The following MMP15 variants were observed in gnomAD, a reference collection of about 807,000 sequenced individuals.
The protein encoded by MMP15 is matrix metalloproteinase-15.
In MMP15, 36 loss-of-function variants were observed where a neutral mutation model predicts 65.0. That is an observed-to-expected ratio of 0.55 (90% CI 0.42 to 0.73). The LOEUF is 0.73. MMP15 is among the 30% of genes least tolerant of loss of function. The pLI, the probability that MMP15 is intolerant of heterozygous loss-of-function variation, is 0.00. For missense variants in MMP15, 870 were observed against 987.8 expected, an observed-to-expected ratio of 0.88 and a Z score of 1.60; for synonymous variants, 428 against 410.2, an observed-to-expected ratio of 1.04 and a Z score of -0.52.
At chr16:58,027,155 G>A (rs1247772894) in intron 1 of MMP15, among the ~76,000 whole-genome samples, 1 of 152,244 alleles carries the variant, frequency 6.6e-6, no homozygotes, top group Non-Finnish European at 1.5e-5. Context: ...TCCTAAGGAC[G>A]GACCCTGCCT....
rs1567430675 is a variant in MMP15 at position 58,039,732 on chromosome 16, A to C, written c.441-143A>C. The C allele has an allele frequency of 5.3e-6, 4 of 761,856 alleles. No homozygotes were observed. The African/African-American group carries it at 5.3e-5, about 10-fold the overall frequency. 47.2% of individuals were successfully genotyped at this position (761,856 alleles called of 1,614,324 possible). A position where few individuals can be genotyped will look rare whatever the true frequency, so the allele number is the denominator to read the frequency against. On this transcript the variant is annotated intron_variant, in intron 3 of 9. Coordinates refer to ENST00000219271, the MANE Select transcript of MMP15 (RefSeq NM_002428.4). ...TGATCTCCTGGATTTGACAAATTCA[A>C]ATTATGATTTACATCAAAGCAAACT... is the stretch of plus-strand genomic sequence containing the variant.
chr16:58,043,245 G>A lies in MMP15; in HGVS notation c.1339G>A (p.Glu447Lys). The A allele has an allele frequency of 8.1e-6, 13 of 1,601,366 alleles. No individual in the cohort carries two copies. Among genetic ancestry groups the A allele is most frequent in the Non-Finnish European group, 1.0e-5 (12 of 1,173,416 alleles). Reference protein sequence around the residue: ...RYWLFREANLEPGYPQPLTSY... With the variant: ...RYWLFREANLKPGYPQPLTSY... Reference sequence around the variant, plus strand: ...CTGGCTCTTTCGAGAAGCGAACCTGGAGCCCGGCTACCCACAGCCGCTGAC... The same window carrying A: ...CTGGCTCTTTCGAGAAGCGAACCTGAAGCCCGGCTACCCACAGCCGCTGAC... The change falls in exon 8 of 10, where the codon GAG (glutamate) becomes AAG (lysine). Residue 447 changes from glutamate (E) to lysine (K), a missense_variant. By Grantham distance (56) the Glu-to-Lys change is moderately conservative. Coordinates refer to ENST00000219271, the MANE Select transcript of MMP15 (RefSeq NM_002428.4).
rs573676510 is a variant in MMP15, at chr16:58,041,954, C to T, written c.1164+84C>T. On this transcript the variant is annotated intron_variant, in intron 6 of 9. Coordinates refer to ENST00000219271, the MANE Select transcript of MMP15 (RefSeq NM_002428.4). ...CTGTCCCACCCTCACTCAGCAGGCCCCGGGGAGCCATTAAGCCCTCAGCTC... is the reference window on the plus strand; with the variant it reads ...CTGTCCCACCCTCACTCAGCAGGCCTCGGGGAGCCATTAAGCCCTCAGCTC... 1.6e-5 allele frequency: 24 copies of T among 1,456,752 alleles called. No homozygotes were observed. The African/African-American group carries it at 2.8e-4, about 17-fold the overall frequency. 90.2% of individuals were successfully genotyped at this position (1,456,752 alleles called of 1,614,324 possible). A position where few individuals can be genotyped will look rare whatever the true frequency, so the allele number is the denominator to read the frequency against.
At chr16:58,030,188 T>C (rs928656681) in intron 1 of MMP15, among the ~76,000 whole-genome samples, 1 of 152,184 alleles carries the variant, frequency 6.6e-6, no homozygotes, top group Non-Finnish European at 1.5e-5. Flanking sequence ...AGAGAGGGGT[T>C]GTGGACTCTG....
rs372957851 is a variant in MMP15, at chr16:58,045,123, G to A, written c.1687G>A (p.Val563Met). ...LRDFMGCQEH[V>M]EPGPRWPDVA... ...GGACTTCATGGGCTGCCAGGAGCACGTGGAGCCAGGCCCCCGATGGCCCGA... is the reference window on the plus strand; with the variant it reads ...GGACTTCATGGGCTGCCAGGAGCACATGGAGCCAGGCCCCCGATGGCCCGA... Residue 563 changes from valine (V) to methionine (M), a missense_variant, in exon 10 of 10, where the codon GTG becomes ATG. Coordinates refer to ENST00000219271, the MANE Select transcript of MMP15 (RefSeq NM_002428.4). 146 of 1,606,782 alleles carry A rather than the reference G, an allele frequency of 9.1e-5. 2 individuals carry two copies. Among genetic ancestry groups the A allele is most frequent in the South Asian group, 7.7e-4 (69 of 90,156 alleles).
At chr16:58,032,227 G>C (rs1173444106) in intron 1 of MMP15, among the ~76,000 whole-genome samples, 1 of 152,214 alleles carries the variant, frequency 6.6e-6, no homozygotes, top group African/African-American at 2.4e-5. Context: ...AACGCTGCTT[G>C]GTGGGTCGGA....
At chr16:58,038,933 A>G (rs1168942909) in intron 3 of MMP15, among the ~76,000 whole-genome samples, 1 of 152,218 alleles carries the variant, frequency 6.6e-6, no homozygotes, top group Non-Finnish European at 1.5e-5. Context: ...TCAAGCCCCC[A>G]GAGTGAATTC....
Position 58,045,185 on chromosome 16 carries a change from A to T in MMP15, c.1749A>T (p.Ala583=). ...ARPPFNPHGG[A]EPGADSAEGD... ...CGCCCTTCAACCCCCACGGGGGTGC[A>T]GAGCCCGGGGCGGACAGCGCAGAGG... is the stretch of plus-strand genomic sequence containing the variant. Residue 583 remains alanine (A), a synonymous_variant, in exon 10 of 10, where the codon GCA becomes GCT. Coordinates refer to ENST00000219271, the MANE Select transcript of MMP15 (RefSeq NM_002428.4). 6.3e-7 allele frequency: 1 copy of T among 1,592,806 alleles called. No homozygotes were observed. The highest frequency in any genetic ancestry group is 8.5e-7 in the Non-Finnish European group (1 of 1,170,240).
At chr16:58,027,116 C>T (rs938067825) in intron 1 of MMP15, among the ~76,000 whole-genome samples, 3 of 152,224 alleles carry the variant, frequency 2.0e-5, no homozygotes, top group East Asian at 1.9e-4. Flanking sequence ...TGCGCTTTTG[C>T]GAGGAAGCCT....
In MMP15 at chr16:58,026,179, TCTC is replaced by T; in HGVS notation, c.-168_-166del. The T allele has an allele frequency of 1.5e-6, 1 of 654,530 alleles. No homozygotes were observed. Among genetic ancestry groups the T allele is most frequent in the Non-Finnish European group, 2.2e-6 (1 of 463,566 alleles). 40.5% of individuals were successfully genotyped at this position (654,530 alleles called of 1,614,324 possible). A position where few individuals can be genotyped will look rare whatever the true frequency, so the allele number is the denominator to read the frequency against. ...AGCTCCCGGACCTGCCCTGCCCGCTTCTCCTCGGGCTTGGGAATTTGCCGAGGC... is the reference window on the plus strand; with the variant it reads ...AGCTCCCGGACCTGCCCTGCCCGCTTCTCGGGCTTGGGAATTTGCCGAGGC... On this transcript the variant is annotated 5_prime_UTR_variant, in exon 1 of 10. Coordinates refer to ENST00000219271, the MANE Select transcript of MMP15 (RefSeq NM_002428.4).
chr16:58,040,743 C>T (rs749199012), intron 5 of MMP15, 45 bp downstream of exon 5: 2 of 1,612,738 alleles, frequency 1.2e-6, no homozygotes, highest in African/African-American at 1.3e-5. Context: ...GCTCTCAAGT[C>T]CCTGGCCAAT....
Position 58,041,681 on chromosome 16 carries a change from C to T in MMP15, c.975C>T (p.Gly325=), listed in dbSNP as rs1285296041. The stretch of plus-strand genomic sequence containing the variant: ...CCACTGTGACGCCACGGCGGCCAGG[C>T]CGGCCTGACCACCGGCCGCCCCGGC... The part of the protein sequence containing the change: ...PLPTVTPRRP[G]RPDHRPPRPP... Residue 325 remains glycine, a synonymous_variant, in exon 6 of 10, where the codon GGC becomes GGT. Coordinates refer to ENST00000219271, the MANE Select transcript of MMP15 (RefSeq NM_002428.4). 2 of 1,578,660 alleles carry T rather than the reference C, an allele frequency of 1.3e-6. No homozygotes were observed. Among genetic ancestry groups the T allele is most frequent in the African/African-American group, 1.4e-5 (1 of 74,008 alleles).
chr16:58,043,459 G>C (rs1294223885), intron 8 of MMP15, 53 bp from the exon 9 acceptor site: 1 of 1,604,110 alleles, frequency 6.2e-7, no homozygotes, highest in African/African-American at 1.3e-5. Flanking sequence ...TGGGGAACGG[G>C]TCCTGGCCCA....
At chr16:58,040,292 CT>C in intron 4 of MMP15, 110 bp downstream of exon 4, 1 of 1,189,436 alleles carries the variant, frequency 8.4e-7, no homozygotes, top group African/African-American at 1.5e-5. Flanking sequence ...GAGAGTTCCC[CT>C]GTGTTTGTCT....
intron 3 of MMP15, among the ~76,000 whole-genome samples, chr16:58,039,033 C>T (rs1959394056): frequency 6.6e-6 from 1 of 152,224 alleles, no homozygotes; most frequent in South Asian, 2.1e-4. Flanking sequence ...CAGGCCTCAC[C>T]ATACGTCATC....
At position 58,038,368 on chromosome 16, in the gene MMP15, G is replaced by A; in HGVS notation, c.414G>A (p.Lys138=). 1 of 1,614,074 alleles carries A rather than the reference G, an allele frequency of 6.2e-7. No individual in the cohort carries two copies. The highest frequency in any genetic ancestry group is 8.5e-7 in the Non-Finnish European group (1 of 1,180,008). Residue 138 remains lysine (K), a synonymous_variant, in exon 3 of 10, where the codon AAG becomes AAA. Transcript: ENST00000219271. ...RRKRYALTGR[K]WNNHHLTFSI... ...AGCGCTACGCCCTCACCGGGAGGAA[G>A]TGGAACAACCACCATCTGACCTTTA...
intron 2 of MMP15, 87 bp downstream of exon 2, chr16:58,037,707 GA>G: frequency 6.4e-7 from 1 of 1,568,108 alleles, no homozygotes; most frequent in South Asian, 1.2e-5. Context: ...GGAGTTTCCA[GA>G]AAAGAGTGGC....
chr16:58,031,719 C>T (rs1963890903), intron 1 of MMP15, among the ~76,000 whole-genome samples: 1 of 152,074 alleles, frequency 6.6e-6, no homozygotes, highest in African/African-American at 2.4e-5. Flanking sequence ...ACCTGCAACT[C>T]GCTTAAAGAC....
chr16:58,045,665 A>T lies in MMP15; in HGVS notation c.*219A>T. The T allele has an allele frequency of 1.8e-6, 1 of 555,296 alleles. No homozygotes were observed. The highest frequency in any genetic ancestry group is 3.1e-6 in the Non-Finnish European group (1 of 318,540). 34.4% of individuals were successfully genotyped at this position (555,296 alleles called of 1,614,324 possible). On this transcript the variant is annotated 3_prime_UTR_variant, in exon 10 of 10. Coordinates refer to ENST00000219271, the MANE Select transcript of MMP15 (RefSeq NM_002428.4). ...CCCCGACTGGGGCAGGGTGTTTAGA[A>T]TTTTCTAAATGTAGTTCTGCTCCAG...
Sources: gnomAD v4.1 joint callset for allele counts (sites outside exome capture counted in the v4.1 genomes callset) on GRCh38, gnomAD v4.1.1 for gene constraint, MANE v1.5 for transcripts, NCBI Gene and HGNC (gene_info 2026-07-23, HGNC 2026-07-21) for gene names.